Variants in MYO16 observed in about 807,000 individuals in gnomAD.
MYO16 encodes myosin XVI, also known as unconventional myosin-XVI.
In MYO16, 94 loss-of-function variants were observed where a neutral mutation model predicts 205.3. That is an observed-to-expected ratio of 0.46 (90% CI 0.39 to 0.54). MYO16 has a LOEUF of 0.54. MYO16 is among the 20% of genes least tolerant of loss of function. The pLI is 0.00. For synonymous variants in MYO16, 988 were observed against 954.0 expected (o/e 1.04, Z -0.66); for missense variants, 2,315 against 2,387.5 (o/e 0.97, Z 0.63).
At chr13:108,872,721 TATACAC>T (rs1879129379) in intron 12 of MYO16, among the ~76,000 whole-genome samples, 1 of 151,360 alleles carries the variant, frequency 6.6e-6, no homozygotes, top group Non-Finnish European at 1.5e-5. Context: ...CATATGTATA[TATACAC>T]ACACACACCA....
the MYO16 span, among the ~76,000 whole-genome samples, chr13:108,533,487 T>C: frequency 6.6e-6 from 1 of 152,250 alleles, no homozygotes; most frequent in Admixed American, 6.5e-5. Flanking sequence ...TCATCAATCA[T>C]GCTTTTTTAG....
chr13:108,649,096 G>A, intron 1 of MYO16, among the ~76,000 whole-genome samples: 1 of 133,180 alleles, frequency 7.5e-6, no homozygotes, highest in East Asian at 2.7e-4. Flanking sequence ...AGGGGGGAGG[G>A]ATAGCATTAG....
chr13:108,829,020 CAG>C (rs1166478458), intron 9 of MYO16, among the ~76,000 whole-genome samples: 1 of 152,140 alleles, frequency 6.6e-6, no homozygotes, highest in African/African-American at 2.4e-5. Flanking sequence ...TGTCAAACCT[CAG>C]GGGCTTGTGA....
At chr13:108,952,647 C>G (rs113957715) in intron 16 of MYO16, among the ~76,000 whole-genome samples, 80 of 152,148 alleles carry the variant, frequency 5.3e-4, no homozygotes, top group African/African-American at 1.9e-3. Flanking sequence ...TCTTCTACCC[C>G]ATGATAGAAA....
At chr13:109,187,344 G>T (rs1879728784) in intron 34 of MYO16, among the ~76,000 whole-genome samples, 1 of 151,946 alleles carries the variant, frequency 6.6e-6, no homozygotes, top group Non-Finnish European at 1.5e-5. Flanking sequence ...TGATTTCATT[G>T]ATTTTCTCTA....
rs1884384280 is a variant in MYO16, at chr13:108,727,591, A to T, written c.507+8A>T. 14 of 1,603,266 alleles carry T rather than the reference A, an allele frequency of 8.7e-6. No individual in the cohort carries two copies. The highest frequency in any genetic ancestry group is 1.2e-5 in the Non-Finnish European group (14 of 1,175,652). ...GTCCTGCTTCTTGTATTAGTAAGTA[A>T]AGCAATTCAGTTTACCATTTGAAGA... On this transcript the variant is annotated splice_region_variant and intron_variant, in intron 4 of 34. Coordinates refer to ENST00000457511, the MANE Select transcript of MYO16 (RefSeq NM_001198950.3).
chr13:108,987,531 G>A (rs1388062073), intron 20 of MYO16, among the ~76,000 whole-genome samples: 1 of 152,226 alleles, frequency 6.6e-6, no homozygotes, highest in African/African-American at 2.4e-5. Context: ...TATTGACAGG[G>A]CAGTTGGTGA....
intron 1 of MYO16, among the ~76,000 whole-genome samples, chr13:108,643,226 C>T (rs1566524007): frequency 6.6e-6 from 1 of 152,144 alleles, no homozygotes; most frequent in African/African-American, 2.4e-5. Flanking sequence ...TTGCCTTTTC[C>T]AGAATGTCAT....
chr13:109,186,280 C>T (rs1259041303), intron 34 of MYO16, among the ~76,000 whole-genome samples: 1 of 152,170 alleles, frequency 6.6e-6, no homozygotes, highest in Non-Finnish European at 1.5e-5. Context: ...ACAAGCATGG[C>T]AGGGAGCAAG....
At chr13:109,104,668 T>C (rs140234440) in intron 28 of MYO16, among the ~76,000 whole-genome samples, 2,151 of 151,986 alleles carry the variant, frequency 0.014, 45 homozygotes, top group African/African-American at 0.049. Context: ...AGGACAGGGG[T>C]GGGGGCAACT....
intron 28 of MYO16, among the ~76,000 whole-genome samples, chr13:109,107,360 A>G (rs1889150412): frequency 1.3e-5 from 2 of 152,340 alleles, no homozygotes; most frequent in South Asian, 4.1e-4. Context: ...AAATTAAGTT[A>G]TGATCTTTGA....
the MYO16 span, among the ~76,000 whole-genome samples, chr13:108,565,152 A>G: frequency 6.6e-6 from 1 of 152,156 alleles, no homozygotes; most frequent in Non-Finnish European, 1.5e-5. Context: ...GTAACTCCAT[A>G]TAAGTTTTAG....
In MYO16 at chr13:108,666,154, A is replaced by G. The variant is rs201995595; in HGVS notation, c.292+5A>G. The G allele has an allele frequency of 3.2e-5, 50 of 1,584,328 alleles. No homozygotes were observed. In the African/African-American group the frequency reaches 3.9e-4, roughly 12 times the overall value. ...TCCACCACAATGACAAAGAAGGTAC[A>G]TGATAAGAAAGAAGGACCCGTTTTC... On this transcript the variant is annotated splice_donor_5th_base_variant and intron_variant, in intron 2 of 34. Coordinates refer to ENST00000457511, the MANE Select transcript of MYO16 (RefSeq NM_001198950.3).
At position 108,805,925 on chromosome 13, in the gene MYO16, A is replaced by AAAATAAATAAATAAATAAATAAATAAAT. The variant is rs113156198; in HGVS notation, c.742-746_742-719dup. On this transcript the variant is annotated intron_variant, in intron 6 of 34. Transcript: ENST00000457511. Reference sequence around the variant, plus strand: ...AACATGGTTAAAACTAGTCTCTACCAAAATAAATAAATAAATAAATAAATA... The same window carrying AAAATAAATAAATAAATAAATAAATAAAT: ...AACATGGTTAAAACTAGTCTCTACCAAAATAAATAAATAAATAAATAAATAAATAAATAAATAAATAAATAAATAAATA... Among the ~76,000 whole-genome samples the AAAATAAATAAATAAATAAATAAATAAAT allele has an allele frequency of 3.8e-4, 52 of 137,070 alleles. 2 individuals are homozygous for AAAATAAATAAATAAATAAATAAATAAAT. Among genetic ancestry groups the AAAATAAATAAATAAATAAATAAATAAAT allele is most frequent in the East Asian group, 8.8e-4 (4 of 4,570 alleles). The allele number at this position is 137,070 out of a possible 152,430, so 89.9% of individuals were successfully genotyped here.
chr13:108,795,339 G>C (rs1400878776), intron 6 of MYO16, among the ~76,000 whole-genome samples: 7 of 151,950 alleles, frequency 4.6e-5, no homozygotes, highest in Non-Finnish European at 4.4e-5. Context: ...CTCCCGAGTA[G>C]CTGGGACTAC....
chr13:109,082,470 A>G lies in MYO16; in HGVS notation c.3336-18315A>G, dbSNP rs139023907. On this transcript the variant is annotated intron_variant, in intron 27 of 34. Coordinates refer to ENST00000457511, the MANE Select transcript of MYO16 (RefSeq NM_001198950.3). ...TGGGGCTTAACAAAGGTGAAAATTG[A>G]AGATAACTTCTGAAGGTCTAGCTTA... 6.0e-3 allele frequency among the ~76,000 whole-genome samples: 921 copies of G among 152,354 alleles called. 12 individuals are homozygous for G. The highest frequency in any genetic ancestry group is 0.021 in the African/African-American group (872 of 41,574).
chr13:108,729,453 T>A (rs1884450791), intron 4 of MYO16, among the ~76,000 whole-genome samples: 1 of 152,200 alleles, frequency 6.6e-6, no homozygotes, highest in Admixed American at 6.5e-5. Flanking sequence ...TATAAAAGAA[T>A]GAGATAGGCT....
intron 34 of MYO16, among the ~76,000 whole-genome samples, chr13:109,193,827 A>G (rs2139951486): frequency 6.6e-6 from 1 of 152,312 alleles, no homozygotes; most frequent in East Asian, 1.9e-4. Flanking sequence ...CTATACCCGT[A>G]TCTCACAGAG....
chr13:108,668,005 T>G (rs1881817522), intron 2 of MYO16, among the ~76,000 whole-genome samples: 1 of 152,200 alleles, frequency 6.6e-6, no homozygotes, highest in Non-Finnish European at 1.5e-5. Flanking sequence ...TGACCTGCAC[T>G]CCAATCTGTG....
Sources: gnomAD v4.1 joint callset for allele counts (sites outside exome capture counted in the v4.1 genomes callset) on GRCh38, gnomAD v4.1.1 for gene constraint, MANE v1.5 for transcripts, NCBI Gene and HGNC (gene_info 2026-07-23, HGNC 2026-07-21) for gene names.